Variants in PEX7 observed in about 807,000 individuals in gnomAD.
The protein encoded by PEX7 is peroxisomal biogenesis factor 7, also known as PTS2 receptor.
In PEX7, 34 loss-of-function variants were observed where a neutral mutation model predicts 47.5. The observed-to-expected ratio is 0.72, with a 90% CI of 0.54 to 0.95. The LOEUF (loss-of-function observed/expected upper bound fraction) is 0.95, where lower values mean the gene tolerates loss of function less well. PEX7 is among the 40% of genes least tolerant of loss of function. The pLI, the probability that PEX7 is intolerant of heterozygous loss-of-function variation, is 0.00. For missense variants in PEX7, 394 were observed against 400.3 expected, an observed-to-expected ratio of 0.98 and a Z score of 0.13; for synonymous variants, 141 against 148.8, an observed-to-expected ratio of 0.95 and a Z score of 0.38.
intron 9 of PEX7, among the ~76,000 whole-genome samples, chr6:136,899,098 T>C (rs76566247): frequency 6.7e-6 from 1 of 148,884 alleles, no homozygotes; most frequent in Non-Finnish European, 1.5e-5. Context: ...TTTTTTTTTT[T>C]GAGACAGAGT....
intron 9 of PEX7, among the ~76,000 whole-genome samples, chr6:136,903,525 A>G (rs1195603243): frequency 6.6e-6 from 1 of 151,968 alleles, no homozygotes; most frequent in Non-Finnish European, 1.5e-5. Flanking sequence ...TGCTAGGAAC[A>G]TGTAGCTCCT....
At position 136,866,736 on chromosome 6, in the gene PEX7, A is replaced by G. The variant is rs1241542169; in HGVS notation, c.633+3A>G. 1 of 1,602,250 alleles carries G rather than the reference A, an allele frequency of 6.2e-7. No homozygotes were observed. Among genetic ancestry groups the G allele is most frequent in the Non-Finnish European group, 8.6e-7 (1 of 1,169,358 alleles). Reference sequence around the variant, plus strand: ...GTGACTGGTGTAAATACAATGAGGTATAGTGTATGGCTCTATCCTATGCTG... The same window carrying G: ...GTGACTGGTGTAAATACAATGAGGTGTAGTGTATGGCTCTATCCTATGCTG... On this transcript the variant is annotated splice_donor_region_variant and intron_variant, in intron 6 of 9. Coordinates refer to ENST00000318471, the MANE Select transcript of PEX7 (RefSeq NM_000288.4).
At chr6:136,834,728 A>G (rs894909471) in intron 3 of PEX7, among the ~76,000 whole-genome samples, 1 of 152,206 alleles carries the variant, frequency 6.6e-6, no homozygotes, top group African/African-American at 2.4e-5. Flanking sequence ...TTGAAAATTC[A>G]GGAGAAAGAT....
intron 3 of PEX7, among the ~76,000 whole-genome samples, chr6:136,840,646 A>G (rs922167758): frequency 3.3e-5 from 5 of 152,236 alleles, no homozygotes; most frequent in African/African-American, 1.2e-4. Flanking sequence ...GAGAGCAGTT[A>G]GAAGGATGTT....
In PEX7 at chr6:136,845,602, T is replaced by C. The variant is rs746861382; in HGVS notation, c.340-13T>C. 15 of 1,535,988 alleles carry C rather than the reference T, an allele frequency of 9.8e-6. No individual in the cohort carries two copies. The South Asian group carries it at 1.3e-4, about 14-fold the overall frequency. ...TGGTCTTTTGCTTTCTAAACACTTT[T>C]CAATGTTTTTAGGTGTATAGTGTTG... On this transcript the variant is annotated splice_polypyrimidine_tract_variant and intron_variant, in intron 3 of 9. Transcript: ENST00000318471.
chr6:136,832,652 A>G (rs912200858), intron 3 of PEX7, among the ~76,000 whole-genome samples: 4 of 152,176 alleles, frequency 2.6e-5, no homozygotes, highest in African/African-American at 7.2e-5. Context: ...GTGACTATAC[A>G]CTTTTAGAAA....
intron 5 of PEX7, among the ~76,000 whole-genome samples, chr6:136,847,410 A>G (rs201921478): frequency 6.6e-6 from 1 of 151,756 alleles, no homozygotes; most frequent in Non-Finnish European, 1.5e-5. Flanking sequence ...TAGACATGAA[A>G]TCCTTGCCCA....
intron 8 of PEX7, among the ~76,000 whole-genome samples, chr6:136,875,324 A>G (rs1488938885): frequency 2.6e-5 from 4 of 152,032 alleles, no homozygotes; most frequent in Non-Finnish European, 5.9e-5. Context: ...TATTCAAACT[A>G]TAGCCCATAG....
At position 136,900,976 on chromosome 6, in the gene PEX7, C is replaced by G; in HGVS notation, c.903+2735C>G. ...TCTTGTAGAGGATAACTCTTTGCTG[C>G]TGCAGCCTGACATAGTGGGGCCATT... On this transcript the variant is annotated intron_variant, in intron 9 of 9. Coordinates refer to ENST00000318471, the MANE Select transcript of PEX7 (RefSeq NM_000288.4). The surrounding 1 kb of genome is among the most constrained non-coding windows in gnomAD (Gnocchi z 4.2). 5.0e-6 allele frequency: 1 copy of G among 199,550 alleles called. No individual in the cohort carries two copies. Among genetic ancestry groups the G allele is most frequent in the Non-Finnish European group, 1.0e-5 (1 of 95,530 alleles). The allele number at this position is 199,550 out of a possible 1,614,324, so 12.4% of individuals were successfully genotyped here.
rs747838282 is a variant in PEX7, at chr6:136,892,516, C to T, written c.804-5626C>T. Among the ~76,000 whole-genome samples, 115 of 152,274 alleles carry T rather than the reference C, an allele frequency of 7.6e-4. 2 individuals are homozygous for T. Among genetic ancestry groups the T allele is most frequent in the Middle Eastern group, 6.8e-3 (2 of 294 alleles). ...TCTATAACCATGGATTGCTTAATTT[C>T]TTGGATCATATTGTCTTCACCTTTG... On this transcript the variant is annotated intron_variant, in intron 8 of 9. Transcript: ENST00000318471.
At chr6:136,870,749 C>A in intron 7 of PEX7, 1 of 406,700 alleles carries the variant, frequency 2.5e-6, no homozygotes, top group Non-Finnish European at 4.9e-6. Context: ...CTTGCCCTGT[C>A]ACCCAGACAC....
intron 5 of PEX7, among the ~76,000 whole-genome samples, chr6:136,865,811 G>A (rs115840691): frequency 0.014 from 2,061 of 152,040 alleles, 55 homozygotes; most frequent in African/African-American, 0.047. Context: ...TAGGCCGGGC[G>A]CTGCGGCTCA....
intron 8 of PEX7, among the ~76,000 whole-genome samples, chr6:136,887,963 G>T (rs1033964492): frequency 6.6e-6 from 1 of 151,856 alleles, no homozygotes; most frequent in African/African-American, 2.4e-5. Context: ...TACTCTCATG[G>T]GATTTGCCCT....
rs552085035 is a variant in PEX7, at chr6:136,889,695, G to A, written c.804-8447G>A. Among the ~76,000 whole-genome samples, 154 of 152,098 alleles carry A rather than the reference G, an allele frequency of 1.0e-3. 1 individual carries two copies. Among genetic ancestry groups the A allele is most frequent in the African/African-American group, 3.4e-3 (140 of 41,516 alleles). On this transcript the variant is annotated intron_variant, in intron 8 of 9. Transcript: ENST00000318471. Reference sequence around the variant, plus strand: ...TAGATACTGCTTTTTCTCATTTTTCGTAGTAGGAAGTCAAAAGATAATATC... The same window carrying A: ...TAGATACTGCTTTTTCTCATTTTTCATAGTAGGAAGTCAAAAGATAATATC...
At chr6:136,898,310 G>A (rs1775688761) in intron 9 of PEX7, 69 bp downstream of exon 9, 3 of 936,118 alleles carry the variant, frequency 3.2e-6, no homozygotes, top group South Asian at 2.6e-5. Context: ...GGCATGCATT[G>A]CTTTTATGAA....
chr6:136,874,281 T>C (rs139194841), intron 8 of PEX7, among the ~76,000 whole-genome samples: 127 of 152,342 alleles, frequency 8.3e-4, no homozygotes, highest in African/African-American at 2.9e-3. Context: ...ACTTCATTTC[T>C]TTCATGGAAG....
At chr6:136,883,141 AC>A (rs1457075829) in intron 8 of PEX7, among the ~76,000 whole-genome samples, 19 of 152,128 alleles carry the variant, frequency 1.2e-4, no homozygotes. Flanking sequence ...AACATCCCTA[AC>A]CTAGAAATTG....
intron 5 of PEX7, among the ~76,000 whole-genome samples, chr6:136,865,741 G>A (rs901960276): frequency 3.3e-5 from 5 of 152,174 alleles, no homozygotes; most frequent in Non-Finnish European, 2.9e-5. Context: ...CCGTGCCTCC[G>A]CACTCCAGCC....
intron 8 of PEX7, among the ~76,000 whole-genome samples, chr6:136,873,285 C>A (rs1183782037): frequency 6.6e-6 from 1 of 152,170 alleles, no homozygotes; most frequent in Non-Finnish European, 1.5e-5. Flanking sequence ...TTTGGCTACC[C>A]TCCTATCTAT....
Sources: gnomAD v4.1 joint callset for allele counts (sites outside exome capture counted in the v4.1 genomes callset) on GRCh38, gnomAD v4.1.1 for gene constraint, Gnocchi (gnomAD v3.1) non-coding constraint, MANE v1.5 for transcripts, NCBI Gene and HGNC (gene_info 2026-07-23, HGNC 2026-07-21) for gene names.